Variants in POLE2 observed in about 807,000 individuals in gnomAD.
The protein encoded by POLE2 is DNA polymerase epsilon 2, accessory subunit, also known as DNA polymerase epsilon subunit 2.
POLE2 carries 56 observed loss-of-function variants against 79.4 expected under a neutral mutation model. The observed-to-expected ratio is 0.71, with a 90% CI of 0.57 to 0.88. The LOEUF (loss-of-function observed/expected upper bound fraction) is 0.88, where lower values mean the gene tolerates loss of function less well. Among genes scored for constraint, POLE2 ranks in the 40% least tolerant of loss-of-function variants. The pLI, the probability that POLE2 is intolerant of heterozygous loss-of-function variation, is 0.00. For synonymous variants in POLE2, 212 were observed against 214.0 expected (o/e 0.99, Z 0.08); for missense variants, 598 against 638.9 (o/e 0.94, Z 0.69).
intron 2 of POLE2, among the ~76,000 whole-genome samples, chr14:49,682,604 T>G (rs1886798578): frequency 7.5e-6 from 1 of 132,924 alleles, no homozygotes; most frequent in African/African-American, 3.0e-5. Context: ...ACCACTGCAT[T>G]CCAGCCTGGG....
chr14:49,665,142 G>T lies in POLE2; in HGVS notation c.598C>A (p.Pro200Thr), dbSNP rs759888979. ...LKEGKFFLED[P>T]TGTVQLDLSK... ...AGGTCTAGTTGGACTGTTCCAGTAG[G>T]ATCTTCCAGAAAAAATTTTCCCTAA... Residue 200 changes from proline to threonine, a missense_variant, in exon 8 of 19, where the codon CCT (proline) becomes ACT (threonine). Transcript: ENST00000216367. 1.3e-5 allele frequency: 18 copies of T among 1,399,902 alleles called. 1 individual carries two copies. The South Asian group carries it at 2.0e-4, about 15-fold the overall frequency. 86.7% of individuals were successfully genotyped at this position (1,399,902 alleles called of 1,614,324 possible).
intron 10 of POLE2, among the ~76,000 whole-genome samples, chr14:49,657,112 CAA>C (rs35156256): frequency 9.7e-5 from 12 of 123,124 alleles, no homozygotes; most frequent in Non-Finnish European, 1.1e-4. Flanking sequence ...GATTTTGCCT[CAA>C]AAAAAAAAAA....
chr14:49,654,039 C>A lies in POLE2; in HGVS notation c.1162G>T (p.Glu388Ter). 2 of 1,601,632 alleles carry A rather than the reference C, an allele frequency of 1.2e-6. No individual in the cohort carries two copies. The highest frequency in any genetic ancestry group is 2.2e-5 in the South Asian group (2 of 90,698). Residue 388 changes from glutamate to a stop codon, truncating the protein, a stop_gained, in exon 15 of 19, where the codon GAA becomes TAA. Transcript: ENST00000216367. LOFTEE classifies it high-confidence loss of function. ...RPPLAESITN[E>*]FRQRVPFSVF... Reference sequence around the variant, plus strand: ...GAAAATGGTACCCTTTGTCTGAATTCATTAGTGATGCTTTCAGCAAGTGGT... The same window carrying A: ...GAAAATGGTACCCTTTGTCTGAATTAATTAGTGATGCTTTCAGCAAGTGGT...
At chr14:49,658,589 A>G (rs915990532) in intron 10 of POLE2, among the ~76,000 whole-genome samples, 3 of 152,228 alleles carry the variant, frequency 2.0e-5, no homozygotes, top group African/African-American at 7.2e-5. Context: ...ATGGACTGTC[A>G]TGCACGGCAT....
At chr14:49,674,544 C>T (rs1220530150) in intron 3 of POLE2, 117 bp from the exon 4 acceptor site, 3 of 679,106 alleles carry the variant, frequency 4.4e-6, no homozygotes, top group Non-Finnish European at 7.8e-6. Flanking sequence ...TTTTCTCAGG[C>T]CAGGCACACA....
intron 5 of POLE2, among the ~76,000 whole-genome samples, chr14:49,672,337 A>G (rs1316107368): frequency 6.6e-6 from 1 of 152,180 alleles, no homozygotes; most frequent in Non-Finnish European, 1.5e-5. Context: ...ACCTAGCAAC[A>G]CTATGTCGGC....
At chr14:49,644,021 A>G (rs1362907290) in intron 18 of POLE2, among the ~76,000 whole-genome samples, 2 of 150,610 alleles carry the variant, frequency 1.3e-5, no homozygotes, top group African/African-American at 4.9e-5. Flanking sequence ...CTGAGATTAT[A>G]GGCACTTGCC....
At chr14:49,668,346 T>C (rs1885636454) in intron 6 of POLE2, among the ~76,000 whole-genome samples, 1 of 150,542 alleles carries the variant, frequency 6.6e-6, no homozygotes, top group Non-Finnish European at 1.5e-5. Context: ...AGAGTAGTGG[T>C]GCACACCTAT....
intron 15 of POLE2, among the ~76,000 whole-genome samples, chr14:49,653,413 T>C (rs1884420086): frequency 6.6e-6 from 1 of 152,200 alleles, no homozygotes; most frequent in Non-Finnish European, 1.5e-5. Flanking sequence ...CTTTGTAACC[T>C]TTCTTAAAGG....
At chr14:49,678,743 AC>A (rs1021602942) in intron 3 of POLE2, among the ~76,000 whole-genome samples, 3 of 151,860 alleles carry the variant, frequency 2.0e-5, no homozygotes, top group African/African-American at 7.3e-5. Flanking sequence ...TGTAACCACC[AC>A]CTCGCAGGCT....
chr14:49,686,983 T>A lies in POLE2; in HGVS notation c.68+1153A>T, dbSNP rs184065661. On this transcript the variant is annotated intron_variant, in intron 1 of 18. Coordinates refer to ENST00000216367, the MANE Select transcript of POLE2 (RefSeq NM_002692.4). ...CCAATCCAGCAGGTATTTCAATATG[T>A]ATAAAATATTGTGTTCTAGGTCAGG... Among the ~76,000 whole-genome samples the A allele has an allele frequency of 2.9e-3, 444 of 152,168 alleles. 3 individuals carry two copies. The highest frequency in any genetic ancestry group is 0.01 in the African/African-American group (429 of 41,512).
intron 8 of POLE2, 88 bp from the exon 9 acceptor site, chr14:49,664,762 T>C (rs1468324491): frequency 3.9e-5 from 33 of 841,136 alleles, no homozygotes; most frequent in Admixed American, 8.5e-5. Context: ...TTCTAAATAA[T>C]AAATTTAAAG....
intron 3 of POLE2, chr14:49,677,307 A>G: frequency 1.8e-6 from 1 of 541,264 alleles, no homozygotes; most frequent in Non-Finnish European, 3.4e-6. Context: ...TGTGGAATGG[A>G]GAGAAAGGCC....
chr14:49,678,395 T>C (rs1367614159), intron 3 of POLE2, among the ~76,000 whole-genome samples: 1 of 152,072 alleles, frequency 6.6e-6, no homozygotes, highest in Non-Finnish European at 1.5e-5. Context: ...GGAAAACTGA[T>C]GCGATATGGT....
chr14:49,647,594 C>A (rs1050705284), intron 17 of POLE2, among the ~76,000 whole-genome samples: 1 of 152,000 alleles, frequency 6.6e-6, no homozygotes, highest in Non-Finnish European at 1.5e-5. Context: ...GCTGGGACCA[C>A]AGGCATGGGC....
chr14:49,665,587 C>T (rs1196219692), intron 7 of POLE2, among the ~76,000 whole-genome samples: 3 of 151,640 alleles, frequency 2.0e-5, no homozygotes, highest in African/African-American at 7.3e-5. Context: ...GGCTCCTGCA[C>T]AAGACACTCT....
At position 49,688,189 on chromosome 14, in the gene POLE2, C is replaced by G. The variant is rs1465983978; in HGVS notation, c.15G>C (p.Arg5=). The part of the protein sequence containing the change: MAPE[R]LRSRALSAFK... ...AGGCGGAGAGCGCCCGGCTCCGCAG[C>G]CGCTCCGGCGCCATATTTGCGATTT... The change falls in exon 1 of 19, where the codon CGG becomes CGC. Residue 5 remains arginine, a synonymous_variant. Transcript: ENST00000216367. 1.3e-6 allele frequency: 2 copies of G among 1,535,780 alleles called. No homozygotes were observed. Among genetic ancestry groups the G allele is most frequent in the Non-Finnish European group, 1.7e-6 (2 of 1,143,002 alleles).
At chr14:49,663,001 A>G (rs1343164961) in intron 10 of POLE2, among the ~76,000 whole-genome samples, 2 of 152,210 alleles carry the variant, frequency 1.3e-5, no homozygotes. Context: ...ACATGGAATT[A>G]TATTCTTCTA....
intron 11 of POLE2, 57 bp downstream of exon 11, chr14:49,655,614 T>C (rs1884603703): frequency 8.2e-7 from 1 of 1,213,910 alleles, no homozygotes. Context: ...ACTCAAAAAG[T>C]TTTAAAACAT....
Sources: gnomAD v4.1 joint callset for allele counts (sites outside exome capture counted in the v4.1 genomes callset) on GRCh38, gnomAD v4.1.1 for gene constraint, MANE v1.5 for transcripts, NCBI Gene and HGNC (gene_info 2026-07-23, HGNC 2026-07-21) for gene names.